The following MAP3K15 variants were observed in gnomAD, a reference collection of about 807,000 sequenced individuals.
MAP3K15 encodes the protein mitogen-activated protein kinase kinase kinase 15, also known as MAPK/ERK kinase kinase 15.
MAP3K15 carries 124 observed loss-of-function variants against 99.5 expected under a neutral mutation model. The observed-to-expected ratio is 1.25, with a 90% CI of 1.08 to 1.45. MAP3K15 has a LOEUF of 1.45. MAP3K15 is among the 40% of genes most tolerant of loss of function. MAP3K15 has a pLI of 0.00. For synonymous variants in MAP3K15, 494 were observed against 439.6 expected (o/e 1.12, Z -1.55); for missense variants, 1,242 against 1,079.7 (o/e 1.15, Z -2.11).
intron 3 of MAP3K15, among the ~76,000 whole-genome samples, chrX:19,484,819 A>G (rs2064312238): frequency 8.9e-6 from 1 of 112,071 alleles, no homozygotes; most frequent in Non-Finnish European, 1.9e-5. Context: ...GTTGAGGGCT[A>G]GAAGGTATCA....
At chrX:19,467,692 G>A (rs1387645929) in intron 3 of MAP3K15, among the ~76,000 whole-genome samples, 18 of 93,199 alleles carry the variant, frequency 1.9e-4, no homozygotes, top group African/African-American at 6.6e-4. Context: ...GCTTAAACCC[G>A]GGAGGCAGAG....
At position 19,515,439 on chromosome X, in the gene MAP3K15, A is replaced by G. The variant is rs374373403; in HGVS notation, c.-178T>C. On this transcript the variant is annotated 5_prime_UTR_variant, in exon 1 of 29. Coordinates refer to ENST00000338883, the MANE Select transcript of MAP3K15 (RefSeq NM_001001671.4). ...CCCGCGGCGGGCCGAAGACGGCAGT[A>G]CCCCTAGGCTGCAGCCTGACGCTCA... Among the ~76,000 whole-genome samples, 3,202 of 111,878 alleles carry G rather than the reference A, an allele frequency of 0.029. 105 individuals are homozygous for G. The highest frequency in any genetic ancestry group is 0.094 in the African/African-American group (2,907 of 30,960).
chrX:19,419,855 C>T (rs1464124847), intron 9 of MAP3K15, among the ~76,000 whole-genome samples: 3 of 112,182 alleles, frequency 2.7e-5, no homozygotes, highest in African/African-American at 9.7e-5. Flanking sequence ...GACCACAGTG[C>T]AATCAAACTA....
intron 9 of MAP3K15, among the ~76,000 whole-genome samples, chrX:19,417,818 C>T (rs774849034): frequency 1.8e-5 from 2 of 111,925 alleles, no homozygotes; most frequent in African/African-American, 6.5e-5. Context: ...ACACCTCACA[C>T]GGCTGGGTAC....
At position 19,417,792 on chromosome X, in the gene MAP3K15, C is replaced by A. The variant is rs369320172; in HGVS notation, c.1440-2535G>T. ...AGTAGCCTAACTGGGAGGCACCCCC[C>A]AGTAGGGGCAGACTGACACCTCACA... On this transcript the variant is annotated intron_variant, in intron 9 of 28. Transcript: ENST00000338883. 5.4e-5 allele frequency among the ~76,000 whole-genome samples: 6 copies of A among 112,091 alleles called. No homozygotes were observed. The East Asian group carries it at 8.4e-4, about 16-fold the overall frequency.
At chrX:19,425,315 CTAA>C (rs912956959) in intron 9 of MAP3K15, among the ~76,000 whole-genome samples, 3 of 111,590 alleles carry the variant, frequency 2.7e-5, no homozygotes, top group African/African-American at 9.8e-5. Context: ...AATAGAAGGC[CTAA>C]TCTCAGGGGT....
intron 1 of MAP3K15, among the ~76,000 whole-genome samples, chrX:19,506,518 TTTTA>T (rs1422605387): frequency 4.5e-5 from 5 of 111,520 alleles, no homozygotes; most frequent in African/African-American, 1.6e-4. Context: ...TAGTCTTAGT[TTTTA>T]TTTATTTATT....
At chrX:19,459,119 A>G (rs921329157) in intron 5 of MAP3K15, among the ~76,000 whole-genome samples, 2 of 111,572 alleles carry the variant, frequency 1.8e-5, no homozygotes, top group African/African-American at 6.5e-5. Context: ...TATGGTGGTA[A>G]ACAAAGGAGG....
At chrX:19,447,898 A>G (rs2064012154) in intron 6 of MAP3K15, among the ~76,000 whole-genome samples, 2 of 95,579 alleles carry the variant, frequency 2.1e-5, no homozygotes, top group African/African-American at 7.2e-5. Flanking sequence ...AAAAAAAAAA[A>G]AAAAAAAGAA....
At position 19,460,093 on chromosome X, in the gene MAP3K15, A is replaced by C; in HGVS notation, c.780T>G (p.Gly260=). 2 of 1,196,489 alleles carry C rather than the reference A, an allele frequency of 1.7e-6. No homozygotes were observed. The highest frequency in any genetic ancestry group is 1.1e-6 in the Non-Finnish European group (1 of 893,008). The change falls in exon 5 of 29, where the codon GGT becomes GGG. Residue 260 remains glycine, a synonymous_variant. Coordinates refer to ENST00000338883, the MANE Select transcript of MAP3K15 (RefSeq NM_001001671.4). The stretch of plus-strand genomic sequence containing the variant: ...GAGCTAGCTCCTTCGCCAGTTCCTC[A>C]CCTTGGTATTTCTCTCTGGCTTTCC... The part of the protein sequence containing the change: ...DIRKAREKYQ[G]EELAKELARI...
chrX:19,503,118 G>A (rs1177896072), intron 1 of MAP3K15, among the ~76,000 whole-genome samples: 1 of 111,812 alleles, frequency 8.9e-6, no homozygotes, highest in Non-Finnish European at 1.9e-5. Context: ...ATTTGACAAT[G>A]AGGGAGAGAG....
At chrX:19,486,542 T>C (rs1446272274) in intron 2 of MAP3K15, 37 bp from the exon 3 acceptor site, 2 of 737,945 alleles carry the variant, frequency 2.7e-6, no homozygotes, top group African/African-American at 2.2e-5. Context: ...TAGCTTTTTG[T>C]AAAACAGCTA....
At chrX:19,366,663 G>A (rs1464530246) in intron 25 of MAP3K15, among the ~76,000 whole-genome samples, 1 of 111,997 alleles carries the variant, frequency 8.9e-6, no homozygotes, top group Non-Finnish European at 1.9e-5. Context: ...CTTCTGCCAT[G>A]ATTGTGAGGC....
At chrX:19,416,501 T>C (rs1318139213) in intron 9 of MAP3K15, among the ~76,000 whole-genome samples, 1 of 111,928 alleles carries the variant, frequency 8.9e-6, no homozygotes, top group Non-Finnish European at 1.9e-5. Context: ...AATAACACCA[T>C]GGGACCCATA....
intron 6 of MAP3K15, among the ~76,000 whole-genome samples, chrX:19,443,022 CTT>C (rs35963207): frequency 1.2e-4 from 2 of 17,240 alleles, no homozygotes; most frequent in African/African-American, 3.0e-4. Context: ...CCATGCCCGG[CTT>C]TTTTTTTTTT....
chrX:19,487,135 G>T (rs768614064), intron 2 of MAP3K15, among the ~76,000 whole-genome samples: 13 of 83,044 alleles, frequency 1.6e-4, no homozygotes, highest in South Asian at 1.8e-3. Flanking sequence ...GGGGTGGGGG[G>T]GGGGAAGGGC....
intron 16 of MAP3K15, among the ~76,000 whole-genome samples, chrX:19,392,696 G>T (rs1186957298): frequency 9.0e-6 from 1 of 111,561 alleles, no homozygotes; most frequent in Non-Finnish European, 1.9e-5. Flanking sequence ...GGGTGAACAT[G>T]AACCCCTTGT....
chrX:19,435,923 G>A (rs992681204), intron 6 of MAP3K15, among the ~76,000 whole-genome samples: 13 of 112,061 alleles, frequency 1.2e-4, no homozygotes. Context: ...GGAGGCCAAG[G>A]CGGGCAGATT....
intron 16 of MAP3K15, among the ~76,000 whole-genome samples, chrX:19,393,472 A>G (rs927962499): frequency 2.7e-5 from 3 of 110,948 alleles, no homozygotes; most frequent in Non-Finnish European, 5.7e-5. Flanking sequence ...CTCTACTAAA[A>G]ATACAAAAAT....
Sources: allele counts gnomAD v4.1 joint callset (sites outside exome capture counted in the v4.1 genomes callset), GRCh38; gene constraint gnomAD v4.1.1; transcripts MANE v1.5; gene names NCBI Gene and HGNC (gene_info 2026-07-23, HGNC 2026-07-21).